Variants in MTREX observed in about 807,000 individuals in gnomAD.
MTREX encodes Mtr4 exosome RNA helicase.
MTREX carries 76 observed loss-of-function variants against 135.4 expected under a neutral mutation model. That is an observed-to-expected ratio of 0.56 (90% CI 0.47 to 0.68). MTREX has a LOEUF of 0.68. Ranked by LOEUF, MTREX falls within the 30% of genes least tolerant of loss-of-function variation. The pLI is 0.00. For synonymous variants in MTREX, 404 were observed against 401.6 expected (o/e 1.01, Z -0.07); for missense variants, 920 against 1,262.1 (o/e 0.73, Z 4.11).
chr5:55,393,605 G>A (rs1051934511), intron 19 of MTREX, among the ~76,000 whole-genome samples: 2 of 152,008 alleles, frequency 1.3e-5, no homozygotes, highest in African/African-American at 4.8e-5. Flanking sequence ...GCTTATTTAG[G>A]GGAAAATTAA....
At chr5:55,329,309 G>C (rs1253937003) in intron 5 of MTREX, 1 of 151,808 alleles carries the variant, frequency 6.6e-6, no homozygotes, top group East Asian at 1.9e-4. Context: ...GGGACTAAAA[G>C]CGTGCACCAT....
chr5:55,322,134 A>C (rs1004903640), intron 1 of MTREX, among the ~76,000 whole-genome samples, 193 bp from the exon 2 acceptor site: 2 of 152,232 alleles, frequency 1.3e-5, no homozygotes, highest in Non-Finnish European at 2.9e-5. Context: ...AAAATGAAAT[A>C]CAAATGCAGT....
chr5:55,416,030 A>G lies in MTREX; in HGVS notation c.2869A>G (p.Thr957Ala), dbSNP rs1257488873. 1 of 1,603,080 alleles carries G rather than the reference A, an allele frequency of 6.2e-7. No individual in the cohort carries two copies. Among genetic ancestry groups the G allele is most frequent in the African/African-American group, 1.3e-5 (1 of 74,256 alleles). Residue 957 changes from threonine to alanine, a missense_variant, in exon 25 of 27, where the codon ACT (threonine) becomes GCT (alanine). Physicochemically the swap from Thr to Ala is moderately conservative, Grantham distance 58. Transcript: ENST00000230640. The stretch of plus-strand genomic sequence containing the variant: ...AGCCAAATTGGAAATTGATGAGGAA[A>G]CTTATCTAAGCTCATTTAAACCTCA... Reference protein sequence around the residue: ...AEAKLEIDEETYLSSFKPHLM... With the variant: ...AEAKLEIDEEAYLSSFKPHLM...
At chr5:55,372,793 G>T (rs972121534) in intron 16 of MTREX, among the ~76,000 whole-genome samples, 1 of 151,982 alleles carries the variant, frequency 6.6e-6, no homozygotes, top group African/African-American at 2.4e-5. Context: ...GTGAATTTAC[G>T]TAATTTTGGA....
chr5:55,408,395 C>T (rs940783207), intron 22 of MTREX, among the ~76,000 whole-genome samples: 2 of 152,120 alleles, frequency 1.3e-5, no homozygotes, highest in Non-Finnish European at 2.9e-5. Flanking sequence ...TACTTGTCTG[C>T]CCCCAATGTT....
chr5:55,349,442 G>C, intron 11 of MTREX, 131 bp from the exon 12 acceptor site: 1 of 598,472 alleles, frequency 1.7e-6, no homozygotes, highest in Non-Finnish European at 3.0e-6. Flanking sequence ...ACCTGCCTCA[G>C]CCTCCCTAAG....
intron 15 of MTREX, among the ~76,000 whole-genome samples, chr5:55,362,083 A>ATTTTTTTTTTTTTTTTTTTT (rs35074192): frequency 1.6e-4 from 18 of 111,154 alleles, no homozygotes; most frequent in African/African-American, 5.4e-4. Flanking sequence ...CGTCTGGCTA[A>ATTTTTTTTTTTTTTTTTTTT]TTTTTTTTTT....
rs750632818 is a variant in MTREX at position 55,344,587 on chromosome 5, G to A, written c.972G>A (p.Gly324=). The change falls in exon 9 of 27, where the codon GGG becomes GGA. Residue 324 remains glycine (G), a synonymous_variant. Transcript: ENST00000230640. ...TPLQHYIFPA[G]GDGLHLVVDE... is the part of the protein sequence containing the mutation. ...TGCAACACTACATTTTTCCAGCAGG[G>A]GGAGATGGCCTGCATCTTGTGGTTG... is the stretch of plus-strand genomic sequence containing the variant. 1.9e-6 allele frequency: 3 copies of A among 1,609,876 alleles called. No individual in the cohort carries two copies. The African/African-American group carries it at 4.0e-5, about 22-fold the overall frequency.
intron 1 of MTREX, among the ~76,000 whole-genome samples, chr5:55,312,646 A>G (rs1749133104): frequency 6.6e-6 from 1 of 152,160 alleles, no homozygotes; most frequent in Non-Finnish European, 1.5e-5. Context: ...TGTGGTGTAT[A>G]TCAATAGTTT....
chr5:55,413,126 G>A (rs1454230153), intron 23 of MTREX, among the ~76,000 whole-genome samples: 2 of 152,012 alleles, frequency 1.3e-5, no homozygotes, highest in Admixed American at 1.3e-4. Context: ...CAGATCATGA[G>A]GTCAGGAGTC....
chr5:55,364,121 T>G (rs1453858564), intron 15 of MTREX, among the ~76,000 whole-genome samples: 1 of 152,142 alleles, frequency 6.6e-6, no homozygotes, highest in Non-Finnish European at 1.5e-5. Flanking sequence ...TACGTTTTAA[T>G]TTTCATGGCT....
intron 15 of MTREX, among the ~76,000 whole-genome samples, chr5:55,364,187 C>A (rs1750058855): frequency 6.6e-6 from 1 of 152,120 alleles, no homozygotes; most frequent in Admixed American, 6.5e-5. Context: ...CGAGAATTAA[C>A]ATGTATTTGG....
chr5:55,362,030 CCTTAGCCTCCCAA>C (rs111318494), intron 15 of MTREX, among the ~76,000 whole-genome samples: 3 of 151,964 alleles, frequency 2.0e-5, no homozygotes, highest in African/African-American at 7.2e-5. Context: ...GACCCTCCCA[CCTTAGCCTCCCAA>C]GTAGCTGGGA....
At chr5:55,345,918 G>A (rs1290292913) in intron 10 of MTREX, among the ~76,000 whole-genome samples, 19 of 151,992 alleles carry the variant, frequency 1.3e-4, no homozygotes, top group Non-Finnish European at 2.5e-4. Flanking sequence ...TATGCCCATC[G>A]TGGCCTCCCA....
At chr5:55,357,539 G>T in intron 14 of MTREX, 1 of 154,368 alleles carries the variant, frequency 6.5e-6, no homozygotes, top group Non-Finnish European at 1.5e-5. Context: ...GGACATAAAG[G>T]CATCTTCTCC....
Position 55,425,506 on chromosome 5 carries a change from A to C in MTREX, c.*734A>C. 1 of 598,506 alleles carries C rather than the reference A, an allele frequency of 1.7e-6. No homozygotes were observed. The allele number at this position is 598,506 out of a possible 1,614,324, so 37.1% of individuals were successfully genotyped here. A position where few individuals can be genotyped will look rare whatever the true frequency, so the allele number is the denominator to read the frequency against. On this transcript the variant is annotated 3_prime_UTR_variant, in exon 27 of 27. Transcript: ENST00000230640. ...CTGGGATTTTTTAAAGATTATTCCA[A>C]ATTAAGAGTTGCTTTGTTATGCCTT...
At chr5:55,408,198 T>G (rs1354493785) in intron 22 of MTREX, among the ~76,000 whole-genome samples, 1 of 152,206 alleles carries the variant, frequency 6.6e-6, no homozygotes, top group Non-Finnish European at 1.5e-5. Flanking sequence ...CTTTTCCTTT[T>G]GCTTCATATG....
intron 21 of MTREX, among the ~76,000 whole-genome samples, chr5:55,404,807 T>C (rs76175168): frequency 2.1e-4 from 32 of 151,536 alleles, no homozygotes; most frequent in African/African-American, 7.5e-4. Flanking sequence ...CTTTTTTTTT[T>C]TTCTTTTTTT....
chr5:55,328,940 C>T (rs954509933), intron 5 of MTREX, 129 bp downstream of exon 5: 5 of 537,728 alleles, frequency 9.3e-6, no homozygotes, highest in Non-Finnish European at 9.9e-6. Flanking sequence ...TTTTTCATGT[C>T]TTATTGAACC....
Sources: gnomAD v4.1 joint callset for allele counts (sites outside exome capture counted in the v4.1 genomes callset) on GRCh38, gnomAD v4.1.1 for gene constraint, MANE v1.5 for transcripts, NCBI Gene and HGNC (gene_info 2026-07-23, HGNC 2026-07-21) for gene names.